Variants in HSD17B12 observed in about 807,000 individuals in gnomAD.
HSD17B12 encodes the protein hydroxysteroid 17-beta dehydrogenase 12.
In HSD17B12, 32 loss-of-function variants were observed where a neutral mutation model predicts 39.3. That is an observed-to-expected ratio of 0.81 (90% CI 0.61 to 1.09). The LOEUF is 1.09. Among genes scored for constraint, HSD17B12 ranks in the 50% least tolerant of loss-of-function variants. HSD17B12 has a pLI of 0.00. For synonymous variants in HSD17B12, 150 were observed against 146.7 expected, an observed-to-expected ratio of 1.02 and a Z score of -0.16; for missense variants, 342 against 382.9, an observed-to-expected ratio of 0.89 and a Z score of 0.89.
intron 3 of HSD17B12, among the ~76,000 whole-genome samples, chr11:43,770,695 A>G (rs1320574293): frequency 6.6e-6 from 1 of 152,210 alleles, no homozygotes; most frequent in Non-Finnish European, 1.5e-5. Flanking sequence ...CTGTCTCGTC[A>G]CTGCGCTCCA....
intron 1 of HSD17B12, chr11:43,723,992 A>C (rs1251683053): frequency 6.6e-6 from 1 of 151,924 alleles, no homozygotes; most frequent in Non-Finnish European, 1.5e-5. Context: ...TTCATGTATT[A>C]GATGCTTCAA....
At chr11:43,573,335 G>C in the HSD17B12 span, among the ~76,000 whole-genome samples, 8 of 152,182 alleles carry the variant, frequency 5.3e-5, no homozygotes, top group African/African-American at 1.9e-4. Context: ...AGGAGTAGGG[G>C]AAATGGAGAT....
chr11:43,838,026 C>A, intron 7 of HSD17B12: 1 of 373,368 alleles, frequency 2.7e-6, no homozygotes, highest in South Asian at 5.2e-5. Context: ...TAGAGAAGAC[C>A]TCAGAGGGTA....
At chr11:43,812,919 G>A (rs1423896576) in intron 4 of HSD17B12, among the ~76,000 whole-genome samples, 1 of 152,106 alleles carries the variant, frequency 6.6e-6, no homozygotes, top group Non-Finnish European at 1.5e-5. Flanking sequence ...TCGGCTCACT[G>A]CAACCTTCGC....
At chr11:43,685,681 A>G (rs1358222008) in intron 1 of HSD17B12, among the ~76,000 whole-genome samples, 1 of 152,144 alleles carries the variant, frequency 6.6e-6, no homozygotes, top group Non-Finnish European at 1.5e-5. Context: ...AGGATTTGAA[A>G]CCAAGTCATC....
chr11:43,830,708 C>A, intron 6 of HSD17B12: 1 of 261,396 alleles, frequency 3.8e-6, no homozygotes, highest in East Asian at 7.6e-5. Context: ...TTGAAGAACT[C>A]TGTGCCAGTA....
At chr11:43,791,425 G>A (rs1268946668) in intron 3 of HSD17B12, among the ~76,000 whole-genome samples, 1 of 151,966 alleles carries the variant, frequency 6.6e-6, no homozygotes, top group Admixed American at 6.6e-5. Flanking sequence ...CCAGCTACTT[G>A]GGAGGCTGAG....
intron 1 of HSD17B12, chr11:43,718,740 T>C: frequency 7.8e-7 from 1 of 1,278,518 alleles, no homozygotes; most frequent in Non-Finnish European, 1.1e-6. Context: ...GCAAAGGCTT[T>C]AAAGGCCAAG....
intron 1 of HSD17B12, among the ~76,000 whole-genome samples, chr11:43,742,824 T>G (rs1950381698): frequency 6.6e-6 from 1 of 152,122 alleles, no homozygotes; most frequent in Non-Finnish European, 1.5e-5. Flanking sequence ...AATATTTACT[T>G]GTGAGGTAAT....
At chr11:43,673,390 G>A in the HSD17B12 span, 4 of 151,442 alleles carry the variant, frequency 2.6e-5, no homozygotes, top group African/African-American at 9.7e-5. Context: ...GAAATCTAAT[G>A]TGATTACATC....
At chr11:43,668,598 C>T in the HSD17B12 span, among the ~76,000 whole-genome samples, 1 of 151,924 alleles carries the variant, frequency 6.6e-6, no homozygotes, top group Non-Finnish European at 1.5e-5. Context: ...TATATAGAAA[C>T]TTTTCTCAAA....
At chr11:43,832,191 G>A (rs2135114353) in intron 7 of HSD17B12, among the ~76,000 whole-genome samples, 2 of 152,296 alleles carry the variant, frequency 1.3e-5, no homozygotes, top group East Asian at 3.9e-4. Context: ...GGTTAGACCA[G>A]ACCAGAACCC....
At chr11:43,744,193 T>C (rs1950393623) in intron 1 of HSD17B12, among the ~76,000 whole-genome samples, 1 of 152,178 alleles carries the variant, frequency 6.6e-6, no homozygotes, top group Non-Finnish European at 1.5e-5. Flanking sequence ...GTGAGGCAGA[T>C]ATTATTAAAC....
chr11:43,724,074 T>G (rs889507964), intron 1 of HSD17B12: 1 of 152,158 alleles, frequency 6.6e-6, no homozygotes, highest in Non-Finnish European at 1.5e-5. Context: ...CATCTCTACT[T>G]ATTGTCTGAT....
intron 6 of HSD17B12, among the ~76,000 whole-genome samples, chr11:43,826,091 T>C (rs112570527): frequency 5.8e-5 from 6 of 103,448 alleles, no homozygotes; most frequent in African/African-American, 9.4e-5. Context: ...CTTTTTTTTT[T>C]TTTTTTTTTG....
At chr11:43,722,822 C>A (rs2134868380) in intron 1 of HSD17B12, among the ~76,000 whole-genome samples, 1 of 109,760 alleles carries the variant, frequency 9.1e-6, no homozygotes. Context: ...GCACTCCAGC[C>A]TGGGCAACAA....
At chr11:43,775,317 G>A (rs1950689394) in intron 3 of HSD17B12, among the ~76,000 whole-genome samples, 1 of 152,112 alleles carries the variant, frequency 6.6e-6, no homozygotes, top group African/African-American at 2.4e-5. Flanking sequence ...CAAGTTCTGT[G>A]GTAATTGTGA....
the HSD17B12 span, among the ~76,000 whole-genome samples, chr11:43,590,506 ATTT>A: frequency 9.7e-5 from 5 of 51,610 alleles, 1 homozygote; most frequent in South Asian, 2.1e-3. Flanking sequence ...GGAGTGAGTG[ATTT>A]TTTTTTTTTT....
chr11:43,660,827 T>C, the HSD17B12 span, among the ~76,000 whole-genome samples: 2 of 152,086 alleles, frequency 1.3e-5, no homozygotes, highest in Non-Finnish European at 2.9e-5. Context: ...TACTCAGCAA[T>C]AAAAAGGAAC....
Sources: allele counts gnomAD v4.1 joint callset (sites outside exome capture counted in the v4.1 genomes callset), GRCh38; gene constraint gnomAD v4.1.1; transcripts MANE v1.5; gene names NCBI Gene and HGNC (gene_info 2026-07-23, HGNC 2026-07-21).